The following CLDN16 variants were observed in gnomAD, a reference collection of about 807,000 sequenced individuals.
CLDN16 encodes the protein claudin-16.
Under a neutral mutation model 24.6 loss-of-function variants are expected in CLDN16, and 13 were observed. That is an observed-to-expected ratio of 0.53 (90% CI 0.34 to 0.84). The LOEUF is 0.84. Among genes scored for constraint, CLDN16 ranks in the 40% least tolerant of loss-of-function variants. The probability of loss-of-function intolerance (pLI) is 0.01; values close to 1 mark genes in which losing one functional copy is unlikely to be tolerated. For missense variants in CLDN16, 298 were observed against 292.7 expected, an observed-to-expected ratio of 1.02 and a Z score of -0.13; for synonymous variants, 116 against 106.7, an observed-to-expected ratio of 1.09 and a Z score of -0.54.
intron 1 of CLDN16, among the ~76,000 whole-genome samples, chr3:190,344,418 G>T (rs952495433): frequency 1.3e-5 from 2 of 151,684 alleles, no homozygotes; most frequent in African/African-American, 2.4e-5. Flanking sequence ...ATATTTGATA[G>T]ATTTAATGTG....
intron 3 of CLDN16, among the ~76,000 whole-genome samples, chr3:190,380,452 G>A (rs9845485): frequency 0.78 from 118,989 of 151,938 alleles, 46,665 homozygotes; most frequent in East Asian, 0.89. Context: ...GGGATGGTTA[G>A]GATTATGATA....
At position 190,395,037 on chromosome 3, in the gene CLDN16, C is replaced by T. The variant is rs546463175; in HGVS notation, c.114+6594C>T. On this transcript the variant is annotated intron_variant, in intron 1 of 4. Transcript: ENST00000264734. ...TGATAATTTGTAATAATTTACTCAA[C>T]ATAAATTGTGATCTTTATCACTGGG... 2.0e-5 allele frequency among the ~76,000 whole-genome samples: 3 copies of T among 152,134 alleles called. No homozygotes were observed. The East Asian group carries it at 5.8e-4, about 29-fold the overall frequency.
At chr3:190,331,725 G>A (rs1255100686) in intron 1 of CLDN16, among the ~76,000 whole-genome samples, 1 of 152,132 alleles carries the variant, frequency 6.6e-6, no homozygotes, top group Non-Finnish European at 1.5e-5. Context: ...TAGTCTATTA[G>A]TTTTCTGTGG....
the CLDN16 span, among the ~76,000 whole-genome samples, chr3:190,294,252 T>G: frequency 6.6e-6 from 1 of 152,152 alleles, no homozygotes; most frequent in African/African-American, 2.4e-5. Context: ...CTCATGACTT[T>G]ATCAAAGTAG....
intron 1 of CLDN16, among the ~76,000 whole-genome samples, chr3:190,324,278 T>A (rs987842546): frequency 1.3e-5 from 2 of 151,728 alleles, no homozygotes; most frequent in South Asian, 2.1e-4. Context: ...AGATCAGGAG[T>A]TCGAGATCAG....
At chr3:190,308,445 A>G in the CLDN16 span, 13 of 1,613,420 alleles carry the variant, frequency 8.1e-6, no homozygotes, top group Non-Finnish European at 8.5e-6. Flanking sequence ...CGTACCTAAA[A>G]GGAAAAACCC....
chr3:190,346,995 G>T (rs1000707766), intron 1 of CLDN16, among the ~76,000 whole-genome samples: 1 of 152,136 alleles, frequency 6.6e-6, no homozygotes, highest in Non-Finnish European at 1.5e-5. Context: ...ACACTTTGGA[G>T]AACACTATTA....
chr3:190,329,860 G>A (rs1275521780), intron 1 of CLDN16, among the ~76,000 whole-genome samples: 1 of 152,098 alleles, frequency 6.6e-6, no homozygotes, highest in Non-Finnish European at 1.5e-5. Context: ...CAGTTAGAAG[G>A]ATGTTAGTAT....
chr3:190,290,379 G>A, the CLDN16 span, among the ~76,000 whole-genome samples: 1 of 152,190 alleles, frequency 6.6e-6, no homozygotes, highest in Admixed American at 6.5e-5. Context: ...GAGAGCTTTT[G>A]TCTGTGAAGG....
At chr3:190,328,783 A>G (rs1275283799) in intron 1 of CLDN16, among the ~76,000 whole-genome samples, 1 of 152,156 alleles carries the variant, frequency 6.6e-6, no homozygotes, top group African/African-American at 2.4e-5. Flanking sequence ...CTGCTCAGCA[A>G]TTTTCCAAAA....
chr3:190,378,172 AC>A (rs1469727145), intron 3 of CLDN16, among the ~76,000 whole-genome samples: 1 of 152,004 alleles, frequency 6.6e-6, no homozygotes, highest in Non-Finnish European at 1.5e-5. Flanking sequence ...TATTATTACA[AC>A]AAGCAAAGAG....
At chr3:190,319,233 G>A (rs560074565), upstream of CLDN16, among the ~76,000 whole-genome samples, 1 of 152,246 alleles carries the variant, frequency 6.6e-6, no homozygotes, top group South Asian at 2.1e-4. Flanking sequence ...AGAGGTACAG[G>A]TGAATCAAGA....
intron 1 of CLDN16, among the ~76,000 whole-genome samples, chr3:190,396,880 A>G (rs118133751): frequency 6.6e-6 from 1 of 151,938 alleles, no homozygotes; most frequent in African/African-American, 2.4e-5. Flanking sequence ...AGTTATTCTC[A>G]TTAGTATAAT....
the CLDN16 span, chr3:190,310,186 C>T: frequency 1.9e-6 from 3 of 1,613,602 alleles, no homozygotes; most frequent in East Asian, 2.2e-5. Flanking sequence ...TGACTGGGGT[C>T]ATAGGGTCAT....
intron 1 of CLDN16, among the ~76,000 whole-genome samples, chr3:190,401,587 G>A (rs1384033600): frequency 6.6e-6 from 1 of 152,184 alleles, no homozygotes; most frequent in Non-Finnish European, 1.5e-5. Flanking sequence ...GATAAAGTAT[G>A]AGAAGGTTCA....
chr3:190,295,519 C>A, the CLDN16 span, among the ~76,000 whole-genome samples: 1,487 of 152,194 alleles, frequency 9.8e-3, 16 homozygotes, highest in Non-Finnish European at 0.016. Context: ...TTAATACCAA[C>A]CTACTTAATT....
chr3:190,370,226 A>G (rs1560089398), intron 1 of CLDN16, among the ~76,000 whole-genome samples: 2 of 151,944 alleles, frequency 1.3e-5, no homozygotes, highest in Non-Finnish European at 2.9e-5. Context: ...GGATTGAAAG[A>G]TGTGGTGAAT....
At chr3:190,378,202 A>C (rs1005150685) in intron 3 of CLDN16, among the ~76,000 whole-genome samples, 2 of 151,990 alleles carry the variant, frequency 1.3e-5, no homozygotes, top group African/African-American at 4.8e-5. Context: ...AATTCAAAGA[A>C]AAGGTCACGT....
At chr3:190,384,500 G>T (rs1476589441), upstream of CLDN16, among the ~76,000 whole-genome samples, 4 of 152,130 alleles carry the variant, frequency 2.6e-5, no homozygotes, top group Non-Finnish European at 5.9e-5. Flanking sequence ...TCAACTGATC[G>T]CCAGGTGGCT....
Sources: gnomAD v4.1 joint callset for allele counts (sites outside exome capture counted in the v4.1 genomes callset) on GRCh38, gnomAD v4.1.1 for gene constraint, MANE v1.5 for transcripts, NCBI Gene and HGNC (gene_info 2026-07-23, HGNC 2026-07-21) for gene names.